DPP10: variants seen among roughly 807,000 people sequenced by gnomAD.
DPP10 encodes the protein inactive dipeptidyl peptidase 10.
In DPP10, 33 loss-of-function variants were observed where a neutral mutation model predicts 120.9. The observed-to-expected ratio is 0.27, with a 90% CI of 0.21 to 0.37. The LOEUF (loss-of-function observed/expected upper bound fraction) is 0.37, where lower values mean the gene tolerates loss of function less well. Among genes scored for constraint, DPP10 ranks in the 10% least tolerant of loss-of-function variants. The pLI, the probability that DPP10 is intolerant of heterozygous loss-of-function variation, is 1.00. For synonymous variants in DPP10, 337 were observed against 326.1 expected (o/e 1.03, Z -0.36); for missense variants, 816 against 942.8 (o/e 0.87, Z 1.76).
At chr2:115,392,750 A>G (rs1325122987) in intron 3 of DPP10, among the ~76,000 whole-genome samples, 1 of 152,162 alleles carries the variant, frequency 6.6e-6, no homozygotes, top group African/African-American at 2.4e-5. Context: ...AAAATTGCAT[A>G]TAAATGCATT....
At chr2:115,454,495 T>G (rs570373879) in intron 3 of DPP10, among the ~76,000 whole-genome samples, 1 of 151,772 alleles carries the variant, frequency 6.6e-6, no homozygotes, top group South Asian at 2.1e-4. Context: ...CACAGTGAAC[T>G]CAATATACAG....
At chr2:115,646,480 G>A (rs148722721) in intron 5 of DPP10, among the ~76,000 whole-genome samples, 152 of 152,248 alleles carry the variant, frequency 1.0e-3, no homozygotes, top group Non-Finnish European at 1.7e-3. Flanking sequence ...AGTCCCACCT[G>A]CATTATTTGT....
intron 5 of DPP10, among the ~76,000 whole-genome samples, chr2:115,553,316 A>T (rs1413184294): frequency 6.6e-6 from 1 of 152,062 alleles, no homozygotes; most frequent in Non-Finnish European, 1.5e-5. Flanking sequence ...CTTTCTCCAT[A>T]GCTATTCTTC....
chr2:115,181,026 C>A (rs1299425984), intron 1 of DPP10, among the ~76,000 whole-genome samples: 1 of 68,840 alleles, frequency 1.5e-5, no homozygotes, highest in Admixed American at 1.7e-4. Flanking sequence ...CACATCTCAC[C>A]CCTATTTTGA....
intron 1 of DPP10, among the ~76,000 whole-genome samples, chr2:114,522,853 A>G (rs1228221382): frequency 6.6e-6 from 1 of 152,182 alleles, no homozygotes; most frequent in Admixed American, 6.5e-5. Flanking sequence ...TTGTGCAGGG[A>G]AACTCCTCTT....
intron 3 of DPP10, among the ~76,000 whole-genome samples, chr2:115,420,230 A>G (rs843383): frequency 0.14 from 21,525 of 152,152 alleles, 2,166 homozygotes; most frequent in African/African-American, 0.29. Flanking sequence ...AATGTCTTAC[A>G]GTATAGTACA....
intron 1 of DPP10, among the ~76,000 whole-genome samples, chr2:115,079,487 G>A (rs1387235031): frequency 6.6e-6 from 1 of 152,208 alleles, no homozygotes; most frequent in Non-Finnish European, 1.5e-5. Flanking sequence ...AACACTCTGG[G>A]AGGCCCAGAG....
chr2:115,673,217 A>G (rs2090042232), intron 5 of DPP10, among the ~76,000 whole-genome samples: 1 of 152,122 alleles, frequency 6.6e-6, no homozygotes, highest in African/African-American at 2.4e-5. Context: ...CCTTTGTTAT[A>G]CTGTATTTCC....
At position 114,680,757 on chromosome 2, in the gene DPP10, A is replaced by G. The variant is rs553802409; in HGVS notation, c.60+237919A>G. 7.9e-5 allele frequency among the ~76,000 whole-genome samples: 12 copies of G among 152,104 alleles called. No homozygotes were observed. The South Asian group carries it at 2.3e-3, about 29-fold the overall frequency. Reference sequence around the variant, plus strand: ...GGTTGTTTTCATAGGCTATTCAGACATGTATTCAGGGAATCAGCCAATCAA... The same window carrying G: ...GGTTGTTTTCATAGGCTATTCAGACGTGTATTCAGGGAATCAGCCAATCAA... On this transcript the variant is annotated intron_variant, in intron 1 of 25. Transcript: ENST00000410059.
intron 1 of DPP10, among the ~76,000 whole-genome samples, chr2:114,864,908 G>A (rs183206915): frequency 1.3e-5 from 2 of 152,158 alleles, no homozygotes; most frequent in East Asian, 1.9e-4. Flanking sequence ...GGGAAACAAC[G>A]GTAATCCTAA....
chr2:115,279,257 G>A (rs957062072), intron 1 of DPP10, among the ~76,000 whole-genome samples: 3 of 151,944 alleles, frequency 2.0e-5, no homozygotes, highest in Admixed American at 1.3e-4. Context: ...TAGACACAAG[G>A]GAACACCATG....
chr2:115,022,090 C>G (rs568085221), intron 1 of DPP10, among the ~76,000 whole-genome samples: 2 of 152,114 alleles, frequency 1.3e-5, no homozygotes, highest in South Asian at 4.2e-4. Flanking sequence ...AAGCATTCCC[C>G]TAAGAACTGA....
intron 1 of DPP10, among the ~76,000 whole-genome samples, chr2:115,162,448 G>T (rs929097284): frequency 2.1e-4 from 32 of 152,194 alleles, no homozygotes; most frequent in African/African-American, 5.8e-4. Context: ...TAGCCGGGGC[G>T]CTCGCTGGCC....
At chr2:114,492,607 A>C (rs1374470829) in intron 1 of DPP10, among the ~76,000 whole-genome samples, 1 of 152,168 alleles carries the variant, frequency 6.6e-6, no homozygotes, top group East Asian at 1.9e-4. Flanking sequence ...GGGAGCAACT[A>C]TTTTGCATTT....
intron 1 of DPP10, among the ~76,000 whole-genome samples, chr2:114,889,068 G>C (rs1164145475): frequency 6.6e-6 from 1 of 152,086 alleles, no homozygotes; most frequent in Admixed American, 6.5e-5. Context: ...GACACAAAGG[G>C]GAGATCATGT....
At chr2:114,987,810 T>TTTTTTTTTTTTTTA (rs1376345188) in intron 1 of DPP10, among the ~76,000 whole-genome samples, 1 of 132,300 alleles carries the variant, frequency 7.6e-6, no homozygotes, top group Non-Finnish European at 1.6e-5. Context: ...CTGTCTTTTT[T>TTTTTTTTTTTTTTA]TTTTTTATTT....
At chr2:114,682,308 C>T (rs1699077436) in intron 1 of DPP10, among the ~76,000 whole-genome samples, 1 of 151,950 alleles carries the variant, frequency 6.6e-6, no homozygotes, top group African/African-American at 2.4e-5. Context: ...CTCAGACTGA[C>T]ATACATCTTC....
intron 1 of DPP10, among the ~76,000 whole-genome samples, chr2:115,236,147 C>T (rs1381347728): frequency 6.6e-6 from 1 of 152,140 alleles, no homozygotes; most frequent in Non-Finnish European, 1.5e-5. Flanking sequence ...GTTCTTTTTG[C>T]GTGTCTGACA....
At chr2:115,666,561 A>G (rs2089469496) in intron 5 of DPP10, among the ~76,000 whole-genome samples, 1 of 152,162 alleles carries the variant, frequency 6.6e-6, no homozygotes. Flanking sequence ...CTCCAGCTAT[A>G]TCCATGATGC....
Sources: gnomAD v4.1 joint callset for allele counts (sites outside exome capture counted in the v4.1 genomes callset) on GRCh38, gnomAD v4.1.1 for gene constraint, MANE v1.5 for transcripts, NCBI Gene and HGNC (gene_info 2026-07-23, HGNC 2026-07-21) for gene names.